Variants in MRPS5 observed in about 807,000 individuals in gnomAD.
MRPS5 encodes the protein small ribosomal subunit protein uS5m.
Under a neutral mutation model 51.9 loss-of-function variants are expected in MRPS5, and 27 were observed. The observed-to-expected ratio is 0.52, with a 90% CI of 0.38 to 0.72. The LOEUF (loss-of-function observed/expected upper bound fraction) is 0.72, where lower values mean the gene tolerates loss of function less well. MRPS5 is among the 30% of genes least tolerant of loss of function. The probability of loss-of-function intolerance (pLI) is 0.00; values close to 1 mark genes in which losing one functional copy is unlikely to be tolerated. For synonymous variants in MRPS5, 196 were observed against 193.2 expected (o/e 1.01, Z -0.12); for missense variants, 570 against 545.7 (o/e 1.04, Z -0.44).
At chr2:95,110,076 T>C in intron 3 of MRPS5, 35 bp from the exon 4 acceptor site, 1 of 1,597,690 alleles carries the variant, frequency 6.3e-7, no homozygotes. Context: ...CTTAATTCTG[T>C]AGTTTTCAAG....
rs1192780709 is a variant in MRPS5, at chr2:95,086,524, T to C, written c.*833A>G. Among the ~76,000 whole-genome samples, 2 of 151,448 alleles carry C rather than the reference T, an allele frequency of 1.3e-5. No individual in the cohort carries two copies. The highest frequency in any genetic ancestry group is 2.9e-5 in the Non-Finnish European group (2 of 67,828). ...CAGAGAAAACAGACTGGAAAAAAAA[T>C]AAACAGCGCCTCAGGGACTCACGGG... On this transcript the variant is annotated 3_prime_UTR_variant, in exon 12 of 12. Transcript: ENST00000272418.
intron 10 of MRPS5, chr2:95,091,709 C>T (rs1480049214): frequency 6.6e-6 from 1 of 152,146 alleles, no homozygotes; most frequent in African/African-American, 2.4e-5. Flanking sequence ...TTTTTATGGT[C>T]AAAAACTATT....
chr2:95,108,977 T>G (rs1165880549), intron 4 of MRPS5, among the ~76,000 whole-genome samples: 3 of 152,176 alleles, frequency 2.0e-5, no homozygotes, highest in South Asian at 4.1e-4. Flanking sequence ...GGTATTTATG[T>G]ATAAATACCT....
intron 10 of MRPS5, among the ~76,000 whole-genome samples, chr2:95,097,953 AC>A (rs1675676706): frequency 6.6e-6 from 1 of 152,262 alleles, no homozygotes; most frequent in Non-Finnish European, 1.5e-5. Flanking sequence ...TACCCATCTG[AC>A]AAAAGGCTAA....
intron 8 of MRPS5, 114 bp downstream of exon 8, chr2:95,101,563 G>A: frequency 1.3e-6 from 1 of 757,944 alleles, no homozygotes; most frequent in East Asian, 2.8e-5. Flanking sequence ...TTGACAGCAA[G>A]CCTCATGGGA....
chr2:95,117,217 T>C (rs1424204548), intron 2 of MRPS5, among the ~76,000 whole-genome samples: 1 of 151,974 alleles, frequency 6.6e-6, no homozygotes, highest in African/African-American at 2.4e-5. Flanking sequence ...GTTTTCACCA[T>C]GATGAACTTC....
chr2:95,118,038 A>G lies in MRPS5; in HGVS notation c.59-93T>C, dbSNP rs926487935. On this transcript the variant is annotated intron_variant, in intron 1 of 11. Coordinates refer to ENST00000272418, the MANE Select transcript of MRPS5 (RefSeq NM_031902.5). ...CCCACAAAATATATCTATAGAATAA[A>G]GAACCAAGACGAGGGAGTAAGTAAT... 5.4e-5 allele frequency: 51 copies of G among 953,034 alleles called. 1 individual carries two copies. Among genetic ancestry groups the G allele is most frequent in the South Asian group, 4.5e-4 (27 of 60,362 alleles). 59.0% of individuals were successfully genotyped at this position (953,034 alleles called of 1,614,324 possible).
chr2:95,094,945 G>A (rs761722286), intron 10 of MRPS5, among the ~76,000 whole-genome samples: 3 of 152,164 alleles, frequency 2.0e-5, no homozygotes, highest in Non-Finnish European at 4.4e-5. Flanking sequence ...CAAATTGGAT[G>A]AAGAGTCAAG....
chr2:95,102,146 T>C (rs916078974), intron 7 of MRPS5, among the ~76,000 whole-genome samples: 1 of 151,142 alleles, frequency 6.6e-6, no homozygotes, highest in Non-Finnish European at 1.5e-5. Context: ...AGCAAGACCC[T>C]GTCTCAAAAC....
At chr2:95,113,138 C>T (rs1676175585) in intron 3 of MRPS5, among the ~76,000 whole-genome samples, 1 of 151,970 alleles carries the variant, frequency 6.6e-6, no homozygotes, top group Admixed American at 6.6e-5. Context: ...AGTAAGGCCA[C>T]CTCTAGAACA....
intron 10 of MRPS5, 69 bp downstream of exon 10, chr2:95,100,405 G>T: frequency 8.7e-7 from 1 of 1,152,722 alleles, no homozygotes; most frequent in Non-Finnish European, 1.3e-6. Flanking sequence ...AACAAAAATA[G>T]AGGAGAGGAT....
At chr2:95,112,269 T>G (rs1274162719) in intron 3 of MRPS5, among the ~76,000 whole-genome samples, 1 of 152,126 alleles carries the variant, frequency 6.6e-6, no homozygotes, top group Non-Finnish European at 1.5e-5. Context: ...TTCACCATAT[T>G]GGTCAGACTG....
chr2:95,112,118 G>A (rs900933518), intron 3 of MRPS5, among the ~76,000 whole-genome samples: 1 of 152,066 alleles, frequency 6.6e-6, no homozygotes, highest in African/African-American at 2.4e-5. Context: ...CAGATGGAGT[G>A]CAATGGCACG....
intron 3 of MRPS5, among the ~76,000 whole-genome samples, chr2:95,112,462 T>C (rs1454847008): frequency 6.6e-6 from 1 of 152,204 alleles, no homozygotes; most frequent in Admixed American, 6.5e-5. Flanking sequence ...TCATGCTAAG[T>C]AACACAGATT....
chr2:95,113,386 G>A (rs1486250487), intron 3 of MRPS5, among the ~76,000 whole-genome samples: 1 of 152,028 alleles, frequency 6.6e-6, no homozygotes, highest in Non-Finnish European at 1.5e-5. Context: ...TGAGGCAGGA[G>A]AATCGCTTGA....
At chr2:95,091,697 A>T (rs909707368) in intron 10 of MRPS5, 1 of 152,164 alleles carries the variant, frequency 6.6e-6, no homozygotes, top group Non-Finnish European at 1.5e-5. Context: ...TTCTAGTTTG[A>T]CTTTTTATGG....
Position 95,117,858 on chromosome 2 carries a change from A to G in MRPS5, c.139+7T>C. The G allele has an allele frequency of 1.9e-6, 3 of 1,597,236 alleles. No homozygotes were observed. The highest frequency in any genetic ancestry group is 2.6e-6 in the Non-Finnish European group (3 of 1,173,912). ...TGAGAAAAGGTAGTAGCATTAATGA[A>G]TCTCACCATTGCCGAGAACACTCTT... On this transcript the variant is annotated splice_region_variant and intron_variant, in intron 2 of 11. Coordinates refer to ENST00000272418, the MANE Select transcript of MRPS5 (RefSeq NM_031902.5).
intron 10 of MRPS5, among the ~76,000 whole-genome samples, chr2:95,095,365 T>C (rs548397475): frequency 6.6e-6 from 1 of 152,094 alleles, no homozygotes; most frequent in Admixed American, 6.6e-5. Flanking sequence ...CTAATAGACA[T>C]CTACAGAACT....
rs771858067 is a variant in MRPS5 at position 95,086,934 on chromosome 2, G to A, written c.*423C>T. On this transcript the variant is annotated 3_prime_UTR_variant, in exon 12 of 12. Transcript: ENST00000272418. ...AACTTCCATTTCCACTGTGGAAAAC[G>A]GTTTGGAAGTTCCTCACGGTAGTCA... Among the ~76,000 whole-genome samples the A allele has an allele frequency of 1.3e-5, 2 of 152,080 alleles. No homozygotes were observed. Among genetic ancestry groups the A allele is most frequent in the Non-Finnish European group, 2.9e-5 (2 of 68,024 alleles).
Sources: gnomAD v4.1 joint callset for allele counts (sites outside exome capture counted in the v4.1 genomes callset) on GRCh38, gnomAD v4.1.1 for gene constraint, MANE v1.5 for transcripts, NCBI Gene and HGNC (gene_info 2026-07-23, HGNC 2026-07-21) for gene names.